Variants in CTTNBP2NL observed in about 807,000 individuals in gnomAD.
CTTNBP2NL encodes the protein CTTNBP2 N-terminal like.
Under a neutral mutation model 32.5 loss-of-function variants are expected in CTTNBP2NL, and 16 were observed. The ratio of observed to expected loss-of-function variants is 0.49; its 90% CI spans 0.33 to 0.75. CTTNBP2NL has a LOEUF of 0.75. Ranked by LOEUF, CTTNBP2NL falls within the 30% of genes least tolerant of loss-of-function variation. CTTNBP2NL has a pLI of 0.02. For synonymous variants in CTTNBP2NL, 298 were observed against 289.4 expected (o/e 1.03, Z -0.30); for missense variants, 645 against 756.0 (o/e 0.85, Z 1.72).
chr1:112,433,658 T>C (rs1649640685), intron 3 of CTTNBP2NL, among the ~76,000 whole-genome samples: 2 of 152,232 alleles, frequency 1.3e-5, no homozygotes, highest in Admixed American at 1.3e-4. Flanking sequence ...CATTCCCTTC[T>C]TGGTCTCCAT....
chr1:112,436,506 T>C (rs114150180), intron 3 of CTTNBP2NL, among the ~76,000 whole-genome samples: 1 of 152,122 alleles, frequency 6.6e-6, no homozygotes, highest in East Asian at 1.9e-4. Flanking sequence ...ATCCCAATCC[T>C]CTTTAGCACA....
At chr1:112,413,246 T>G (rs1648937422) in intron 2 of CTTNBP2NL, among the ~76,000 whole-genome samples, 1 of 152,228 alleles carries the variant, frequency 6.6e-6, no homozygotes, top group South Asian at 2.1e-4. Context: ...AAATAATACT[T>G]GGTTTTTACT....
intron 3 of CTTNBP2NL, among the ~76,000 whole-genome samples, chr1:112,442,839 C>A (rs1649935650): frequency 6.6e-6 from 1 of 151,900 alleles, no homozygotes; most frequent in African/African-American, 2.4e-5. Context: ...TACAGGCGCC[C>A]ACCACCACAC....
intron 3 of CTTNBP2NL, among the ~76,000 whole-genome samples, chr1:112,425,995 G>GTA (rs1192336925): frequency 7.4e-6 from 1 of 135,860 alleles, no homozygotes; most frequent in African/African-American, 2.5e-5. Flanking sequence ...GTGTGTGTGT[G>GTA]TGTGTGTGTC....
intron 3 of CTTNBP2NL, among the ~76,000 whole-genome samples, chr1:112,444,986 A>AT (rs1188734008): frequency 1.3e-5 from 2 of 152,186 alleles, no homozygotes; most frequent in African/African-American, 4.8e-5. Flanking sequence ...CACTTCCAAG[A>AT]TTAGGTTATA....
At chr1:112,410,702 A>G (rs1215548739) in intron 1 of CTTNBP2NL, among the ~76,000 whole-genome samples, 1 of 152,226 alleles carries the variant, frequency 6.6e-6, no homozygotes, top group Non-Finnish European at 1.5e-5. Flanking sequence ...CTGAGCATTT[A>G]GTTGAAATGA....
At chr1:112,430,616 T>C in intron 3 of CTTNBP2NL, among the ~76,000 whole-genome samples, 1 of 141,712 alleles carries the variant, frequency 7.1e-6, no homozygotes, top group African/African-American at 2.7e-5. Context: ...TGCAGTGACG[T>C]GATCTCGGCT....
chr1:112,452,698 C>T (rs539710379), intron 4 of CTTNBP2NL, among the ~76,000 whole-genome samples: 13 of 147,446 alleles, frequency 8.8e-5, no homozygotes, highest in African/African-American at 3.3e-4. Flanking sequence ...TGGAGTGCAA[C>T]GGCATAATCA....
chr1:112,433,045 C>CT (rs1386452817), intron 3 of CTTNBP2NL, among the ~76,000 whole-genome samples: 1 of 152,062 alleles, frequency 6.6e-6, no homozygotes, highest in Non-Finnish European at 1.5e-5. Context: ...TCTCAGACTC[C>CT]TTTGTGTTTT....
chr1:112,406,179 G>C (rs935634243), intron 1 of CTTNBP2NL, among the ~76,000 whole-genome samples: 1 of 149,954 alleles, frequency 6.7e-6, no homozygotes, highest in Non-Finnish European at 1.5e-5. Flanking sequence ...GTGAGACTCC[G>C]TCTCAAAAAA....
At chr1:112,452,271 A>T (rs544297087) in intron 4 of CTTNBP2NL, among the ~76,000 whole-genome samples, 4 of 150,930 alleles carry the variant, frequency 2.7e-5, no homozygotes, top group African/African-American at 7.3e-5. Flanking sequence ...CTTGGGCTCC[A>T]GTGATCCACC....
chr1:112,432,911 G>A (rs1194167603), intron 3 of CTTNBP2NL, among the ~76,000 whole-genome samples: 5 of 151,656 alleles, frequency 3.3e-5, no homozygotes, highest in Non-Finnish European at 7.4e-5. Flanking sequence ...TTTACGTTTT[G>A]AAGTTAAAAG....
upstream of CTTNBP2NL, among the ~76,000 whole-genome samples, chr1:112,391,415 C>T (rs918470084): frequency 6.6e-6 from 1 of 152,174 alleles, no homozygotes; most frequent in African/African-American, 2.4e-5. Context: ...TTAATAAGTC[C>T]CAGTCCAGTG....
chr1:112,430,584 ACT>A (rs1649543141), intron 3 of CTTNBP2NL, among the ~76,000 whole-genome samples: 2 of 67,332 alleles, frequency 3.0e-5, no homozygotes, highest in African/African-American at 9.7e-5. Flanking sequence ...ACAGAGTCTG[ACT>A]CTGTTGCCCA....
chr1:112,417,732 T>A (rs1230768172), intron 3 of CTTNBP2NL, among the ~76,000 whole-genome samples: 1 of 152,184 alleles, frequency 6.6e-6, no homozygotes, highest in East Asian at 1.9e-4. Flanking sequence ...TATTGTTAGA[T>A]AAAATAGGGG....
At chr1:112,392,934 T>A (rs1235266913), upstream of CTTNBP2NL, among the ~76,000 whole-genome samples, 1 of 152,142 alleles carries the variant, frequency 6.6e-6, no homozygotes, top group African/African-American at 2.4e-5. Flanking sequence ...CTCGGCTCAC[T>A]GCAACCTCCA....
intron 3 of CTTNBP2NL, among the ~76,000 whole-genome samples, chr1:112,434,069 A>C (rs1394331534): frequency 6.6e-6 from 1 of 152,180 alleles, no homozygotes. Flanking sequence ...TACATAGAAT[A>C]TGTTAGCTGA....
chr1:112,403,726 ACTAAT>A (rs747246200), intron 1 of CTTNBP2NL, among the ~76,000 whole-genome samples: 3 of 152,364 alleles, frequency 2.0e-5, no homozygotes, highest in East Asian at 1.9e-4. Context: ...GGCACAAAAA[ACTAAT>A]CTAAGCAGAA....
chr1:112,435,165 A>G (rs1016355664), intron 3 of CTTNBP2NL, among the ~76,000 whole-genome samples: 1 of 142,536 alleles, frequency 7.0e-6, no homozygotes, highest in Admixed American at 7.1e-5. Context: ...AAAAAAAAAG[A>G]AGTGTACCCA....
Sources: gnomAD v4.1 joint callset for allele counts (sites outside exome capture counted in the v4.1 genomes callset) on GRCh38, gnomAD v4.1.1 for gene constraint, MANE v1.5 for transcripts, NCBI Gene and HGNC (gene_info 2026-07-23, HGNC 2026-07-21) for gene names.